JMJD7: variants seen among roughly 807,000 people sequenced by gnomAD.
The protein encoded by JMJD7 is jumonji domain containing 7.
JMJD7 carries 41 observed loss-of-function variants against 41.1 expected under a neutral mutation model. That is an observed-to-expected ratio of 1.00 (90% confidence interval 0.78 to 1.30). The LOEUF (loss-of-function observed/expected upper bound fraction) is 1.30. Among genes scored for constraint, JMJD7 ranks in the 50% most tolerant of loss-of-function variants. The pLI, the probability that JMJD7 is intolerant of heterozygous loss-of-function variation, is 0.00. For synonymous variants in JMJD7, 202 were observed against 177.2 expected (o/e 1.14, Z -1.11); for missense variants, 480 against 420.7 (o/e 1.14, Z -1.23).
At chr15:41,833,467 C>G (rs1317607268) in intron 1 of JMJD7, among the ~76,000 whole-genome samples, 4 of 124,750 alleles carry the variant, frequency 3.2e-5, no homozygotes, top group Non-Finnish European at 4.8e-5. Context: ...GTCACCCAGG[C>G]TGGAGTGCAG....
chr15:41,833,414 A>ATATATATATATATATATATATATTT (rs1239528383), intron 1 of JMJD7, among the ~76,000 whole-genome samples: 1 of 32,010 alleles, frequency 3.1e-5, no homozygotes, highest in Non-Finnish European at 6.1e-5. Flanking sequence ...ATATATATAT[A>ATATATATATATATATATATATATTT]TTTTTTTTTT....
At chr15:41,833,393 CATATATATATATAT>C (rs55860712) in intron 1 of JMJD7, among the ~76,000 whole-genome samples, 1 of 50,560 alleles carries the variant, frequency 2.0e-5, no homozygotes, top group South Asian at 9.2e-4. Context: ...AGGTGAAATA[CATATATATATATAT>C]ATATATATTT....
rs565595106 is a variant in JMJD7 at position 41,832,098 on chromosome 15, C to T, written c.65-2642C>T. 2.0e-5 allele frequency among the ~76,000 whole-genome samples: 3 copies of T among 152,350 alleles called. No individual in the cohort carries two copies. In the East Asian group the frequency reaches 5.8e-4, roughly 29 times the overall value. ...GCTTATGGTACACCTGGTCTAGCTG[C>T]AGCCTTGCAGGAAACCAGCACCTGT... On this transcript the variant is annotated intron_variant, in intron 1 of 7. Transcript: ENST00000397299.
At chr15:41,830,176 C>T (rs533854430) in intron 1 of JMJD7, among the ~76,000 whole-genome samples, 4 of 152,270 alleles carry the variant, frequency 2.6e-5, no homozygotes, top group South Asian at 4.1e-4. Context: ...TCTGCTGCAG[C>T]CTGAACCTCG....
At chr15:41,831,505 A>G (rs1567163988) in intron 1 of JMJD7, among the ~76,000 whole-genome samples, 1 of 152,220 alleles carries the variant, frequency 6.6e-6, no homozygotes, top group East Asian at 1.9e-4. Flanking sequence ...AATGGAAACC[A>G]CGGCCTTTTG....
Position 41,834,898 on chromosome 15 carries a change from G to T in JMJD7, c.218+5G>T. ...GTGGTCCCTCCCCTATTTCAGGTGGGAGCTGCCCTGGGGTCAGGTGTGAGC... is the reference window on the plus strand; with the variant it reads ...GTGGTCCCTCCCCTATTTCAGGTGGTAGCTGCCCTGGGGTCAGGTGTGAGC... On this transcript the variant is annotated splice_donor_5th_base_variant and intron_variant, in intron 2 of 7. Transcript: ENST00000397299. 6.2e-7 allele frequency: 1 copy of T among 1,613,848 alleles called. No homozygotes were observed. Among genetic ancestry groups the T allele is most frequent in the Non-Finnish European group, 8.5e-7 (1 of 1,179,790 alleles).
intron 1 of JMJD7, among the ~76,000 whole-genome samples, chr15:41,833,738 C>A (rs2065268554): frequency 6.6e-6 from 1 of 151,918 alleles, no homozygotes; most frequent in African/African-American, 2.4e-5. Flanking sequence ...TATAGCATGT[C>A]AGATGGTGAT....
At chr15:41,835,314 C>G (rs898749507) in intron 3 of JMJD7, 91 bp downstream of exon 3, 4 of 1,497,838 alleles carry the variant, frequency 2.7e-6, no homozygotes, top group Non-Finnish European at 3.6e-6. Flanking sequence ...ATGACCTGGC[C>G]TATGGGCTTG....
intron 3 of JMJD7, 74 bp from the exon 4 acceptor site, chr15:41,835,514 G>A: frequency 6.4e-7 from 1 of 1,562,694 alleles, no homozygotes; most frequent in East Asian, 2.3e-5. Context: ...CCCAGGTTTT[G>A]GCTCTGGCAT....
chr15:41,836,752 C>A, intron 6 of JMJD7, 29 bp from the exon 7 acceptor site: 1 of 1,578,130 alleles, frequency 6.3e-7, no homozygotes, highest in Admixed American at 1.8e-5. Context: ...GTCTGGGGGG[C>A]TGCTCCCTGG....
chr15:41,833,406 A>ATTTTTTT (rs1567164793), intron 1 of JMJD7, among the ~76,000 whole-genome samples: 1 of 40,836 alleles, frequency 2.4e-5, no homozygotes, highest in Non-Finnish European at 5.6e-5. Context: ...ATATATATAT[A>ATTTTTTT]TATATATATT....
rs199933645 is a variant in JMJD7, at chr15:41,836,158, C to T, written c.540C>T (p.Asp180=). Residue 180 remains aspartate (D), a synonymous_variant, in exon 5 of 8, where the codon GAC becomes GAT. Coordinates refer to ENST00000397299, the MANE Select transcript of JMJD7 (RefSeq NM_001114632.2). ...TCTTTCTGTTGGCAGTGCACAAGGA[C>T]CACTATGAGAACCTCTACTGCGTGG... is the stretch of plus-strand genomic sequence containing the variant. The part of the protein sequence containing the change: ...EAAAVTSLHK[D]HYENLYCVVS... 3.7e-5 allele frequency: 60 copies of T among 1,604,418 alleles called. No individual in the cohort carries two copies. Among genetic ancestry groups the T allele is most frequent in the Non-Finnish European group, 4.9e-5 (57 of 1,175,150 alleles).
chr15:41,837,216 C>A lies in JMJD7; in HGVS notation c.*60C>A. The A allele has an allele frequency of 1.6e-6, 2 of 1,229,108 alleles. No individual in the cohort carries two copies. The highest frequency in any genetic ancestry group is 2.4e-6 in the Non-Finnish European group (2 of 850,976). 76.1% of individuals were successfully genotyped at this position (1,229,108 alleles called of 1,614,324 possible). The stretch of plus-strand genomic sequence containing the variant: ...GGGGACGGAGCCAGCCCCTCCCTGG[C>A]CAGGTCAATTCTCGAGAGAGCCTGG... On this transcript the variant is annotated 3_prime_UTR_variant, in exon 8 of 8. Coordinates refer to ENST00000397299, the MANE Select transcript of JMJD7 (RefSeq NM_001114632.2).
intron 1 of JMJD7, among the ~76,000 whole-genome samples, chr15:41,831,842 C>T (rs76668620): frequency 2.0e-5 from 3 of 152,112 alleles, no homozygotes; most frequent in African/African-American, 4.8e-5. Flanking sequence ...AGAATTGGGA[C>T]CTGCTGAGTG....
chr15:41,833,414 A>ATATATATTTT lies in JMJD7; in HGVS notation c.65-1325_65-1324insATATATTTTT, dbSNP rs1239528383. Among the ~76,000 whole-genome samples, 8 of 32,010 alleles carry ATATATATTTT rather than the reference A, an allele frequency of 2.5e-4. 1 individual carries two copies. Among genetic ancestry groups the ATATATATTTT allele is most frequent in the Non-Finnish European group, 3.1e-4 (5 of 16,336 alleles). The allele number at this position is 32,010 out of a possible 152,430, so 21.0% of individuals were successfully genotyped here. A position where few individuals can be genotyped will look rare whatever the true frequency, so the allele number is the denominator to read the frequency against. Reference sequence around the variant, plus strand: ...AATACATATATATATATATATATATATTTTTTTTTTTTTTTTTTTTTTTTG... The same window carrying ATATATATTTT: ...AATACATATATATATATATATATATATATATATTTTTTTTTTTTTTTTTTTTTTTTTTTTG... On this transcript the variant is annotated intron_variant, in intron 1 of 7. Coordinates refer to ENST00000397299, the MANE Select transcript of JMJD7 (RefSeq NM_001114632.2).
intron 1 of JMJD7, chr15:41,828,544 C>A: frequency 4.4e-6 from 1 of 225,396 alleles, no homozygotes; most frequent in Non-Finnish European, 8.6e-6. Flanking sequence ...ACCTCAACTC[C>A]CTTGTCGCAC....
At position 41,835,175 on chromosome 15, in the gene JMJD7, C is replaced by G; in HGVS notation, c.424C>G (p.Leu142Val). Reference protein sequence around the residue: ...CSNLPSELPQLLPDLESHVPW... With the variant: ...CSNLPSELPQVLPDLESHVPW... ...CAACCTGCCCAGCGAGCTGCCCCAG[C>G]TGCTGCCTGATCTGGAATCCCATGT... The change falls in exon 3 of 8, where the codon CTG (leucine) becomes GTG (valine). Residue 142 changes from leucine to valine, a missense_variant. Coordinates refer to ENST00000397299, the MANE Select transcript of JMJD7 (RefSeq NM_001114632.2). 4 of 1,603,180 alleles carry G rather than the reference C, an allele frequency of 2.5e-6. No individual in the cohort carries two copies. In the South Asian group the frequency reaches 4.4e-5, roughly 18 times the overall value.
chr15:41,831,304 T>G (rs2065227073), intron 1 of JMJD7, among the ~76,000 whole-genome samples: 1 of 152,292 alleles, frequency 6.6e-6, no homozygotes, highest in East Asian at 1.9e-4. Flanking sequence ...ATGCCAGCTC[T>G]TTCTTTTCCA....
rs750024802 is a variant in JMJD7, at chr15:41,835,689, G to A, written c.529+45G>A. Reference sequence around the variant, plus strand: ...AAAGGTGGGGAAGGAGCAGGTTGGGGCAGAGGGAGGGAAGACGAGGCCAGG... The same window carrying A: ...AAAGGTGGGGAAGGAGCAGGTTGGGACAGAGGGAGGGAAGACGAGGCCAGG... On this transcript the variant is annotated intron_variant, in intron 4 of 7. Transcript: ENST00000397299. 21 of 1,592,850 alleles carry A rather than the reference G, an allele frequency of 1.3e-5. No homozygotes were observed. In the South Asian group the frequency reaches 1.4e-4, roughly 10 times the overall value.
Sources: allele counts gnomAD v4.1 joint callset (sites outside exome capture counted in the v4.1 genomes callset), GRCh38; gene constraint gnomAD v4.1.1; transcripts MANE v1.5; gene names NCBI Gene and HGNC (gene_info 2026-07-23, HGNC 2026-07-21).